NUP107: variants seen among roughly 807,000 people sequenced by gnomAD.
NUP107 encodes the protein nucleoporin 107.
Under a neutral mutation model 141.0 loss-of-function variants are expected in NUP107, and 101 were observed. That is an observed-to-expected ratio of 0.72 (90% CI 0.61 to 0.84). The LOEUF (loss-of-function observed/expected upper bound fraction) is 0.84, where lower values mean the gene tolerates loss of function less well. NUP107 is among the 40% of genes least tolerant of loss of function. NUP107 has a pLI of 0.00. For missense variants in NUP107, 941 were observed against 1,102.7 expected (o/e 0.85, Z 2.08); for synonymous variants, 319 against 363.9 (o/e 0.88, Z 1.41).
chr12:68,698,838 T>C (rs1373660507), intron 6 of NUP107, among the ~76,000 whole-genome samples: 1 of 152,190 alleles, frequency 6.6e-6, no homozygotes, highest in Non-Finnish European at 1.5e-5. Context: ...GAAACCACTC[T>C]TTATGCTATA....
intron 6 of NUP107, among the ~76,000 whole-genome samples, chr12:68,697,392 C>T (rs1001775235): frequency 3.7e-4 from 53 of 144,656 alleles, no homozygotes; most frequent in Non-Finnish European, 5.5e-4. Flanking sequence ...CCACTGCACT[C>T]CAGCCAGGGT....
At chr12:68,724,198 C>T (rs1393967980) in intron 17 of NUP107, among the ~76,000 whole-genome samples, 3 of 151,426 alleles carry the variant, frequency 2.0e-5, no homozygotes, top group Non-Finnish European at 4.4e-5. Context: ...GATTTAGTAC[C>T]CCCTCCCCAA....
At chr12:68,703,388 TACAC>T (rs1351997209) in intron 8 of NUP107, among the ~76,000 whole-genome samples, 2 of 152,152 alleles carry the variant, frequency 1.3e-5, no homozygotes, top group Admixed American at 1.3e-4. Flanking sequence ...CATACTTGTA[TACAC>T]ACACACATTT....
intron 19 of NUP107, 70 bp downstream of exon 19, chr12:68,726,687 T>C: frequency 1.1e-6 from 1 of 937,756 alleles, no homozygotes; most frequent in Non-Finnish European, 1.7e-6. Flanking sequence ...AAGAAAACAC[T>C]ACTTTTTTTA....
At chr12:68,721,371 T>C (rs1180092260) in intron 15 of NUP107, among the ~76,000 whole-genome samples, 194 bp downstream of exon 15, 1 of 152,208 alleles carries the variant, frequency 6.6e-6, no homozygotes, top group Non-Finnish European at 1.5e-5. Flanking sequence ...TCCCATAACA[T>C]GCATGGTATT....
chr12:68,716,247 T>TTC (rs1877107616), intron 12 of NUP107, among the ~76,000 whole-genome samples: 3 of 146,924 alleles, frequency 2.0e-5, no homozygotes, highest in Non-Finnish European at 3.0e-5. Flanking sequence ...CTTTCTTTCT[T>TTC]TTTTTTTTTG....
chr12:68,728,469 G>C (rs921312367), intron 20 of NUP107, among the ~76,000 whole-genome samples: 1 of 149,080 alleles, frequency 6.7e-6, no homozygotes, highest in African/African-American at 2.5e-5. Flanking sequence ...TGTCACCCGG[G>C]CTGGAGTGCA....
chr12:68,700,648 ACT>A, intron 6 of NUP107, 76 bp from the exon 7 acceptor site: 2 of 925,350 alleles, frequency 2.2e-6, no homozygotes, highest in Non-Finnish European at 1.5e-6. Flanking sequence ...TTATTTTAGC[ACT>A]CTATTCAAAT....
At position 68,702,618 on chromosome 12, in the gene NUP107, A is replaced by G. The variant is rs139991082; in HGVS notation, c.681-118A>G. ...CAGATATACATATTTGAAAAAATAA[A>G]TAATAAAAAATTTTTAAAAAGAAGT... On this transcript the variant is annotated intron_variant, in intron 7 of 27. Coordinates refer to ENST00000229179, the MANE Select transcript of NUP107 (RefSeq NM_020401.4). 11,161 of 658,746 alleles carry G rather than the reference A, an allele frequency of 0.017. 140 individuals carry two copies. Among genetic ancestry groups the G allele is most frequent in the Non-Finnish European group, 0.024 (9,303 of 384,608 alleles). 40.8% of individuals were successfully genotyped at this position (658,746 alleles called of 1,614,324 possible). A position where few individuals can be genotyped will look rare whatever the true frequency, so the allele number is the denominator to read the frequency against.
intron 11 of NUP107, among the ~76,000 whole-genome samples, chr12:68,714,661 A>G (rs887626413): frequency 6.6e-6 from 1 of 152,220 alleles, no homozygotes; most frequent in African/African-American, 2.4e-5. Flanking sequence ...ATTGTTTTCC[A>G]TTGGAAATCC....
intron 22 of NUP107, among the ~76,000 whole-genome samples, chr12:68,732,290 A>G (rs997919025): frequency 2.6e-5 from 4 of 152,098 alleles, no homozygotes; most frequent in African/African-American, 9.7e-5. Flanking sequence ...ATGTGCCACC[A>G]TGCCTGGCTA....
At position 68,731,234 on chromosome 12, in the gene NUP107, A is replaced by C. The variant is rs138366858; in HGVS notation, c.1859A>C (p.His620Pro). ...ESVTEFEQRH[H>P]CLELAKEADL... ...GTTACAGAATTTGAACAGCGCCACC[A>C]TTGCCTGGAGTTGGCTAAAGAAGCA... Residue 620 changes from histidine (H) to proline (P), a missense_variant, in exon 21 of 28, where the codon CAT becomes CCT. Physicochemically the swap from His to Pro is moderately conservative, Grantham distance 77. Transcript: ENST00000229179. The C allele has an allele frequency of 3.7e-6, 6 of 1,605,964 alleles. No homozygotes were observed. Among genetic ancestry groups the C allele is most frequent in the Non-Finnish European group, 5.1e-6 (6 of 1,177,040 alleles).
At chr12:68,734,855 G>A (rs1048228884) in intron 25 of NUP107, 22 bp downstream of exon 25, 1 of 1,605,464 alleles carries the variant, frequency 6.2e-7, no homozygotes, top group Non-Finnish European at 8.5e-7. Context: ...ATGGATCTAG[G>A]ATGTGCCTAC....
At chr12:68,709,104 T>C (rs1876726456) in intron 8 of NUP107, 134 bp from the exon 9 acceptor site, 2 of 588,788 alleles carry the variant, frequency 3.4e-6, no homozygotes, top group South Asian at 2.2e-5. Flanking sequence ...AGATTTACTA[T>C]GTGGTAAAAT....
intron 20 of NUP107, among the ~76,000 whole-genome samples, chr12:68,728,950 A>G (rs1877693177): frequency 6.6e-6 from 1 of 152,060 alleles, no homozygotes; most frequent in African/African-American, 2.4e-5. Flanking sequence ...TTTTTCTTGT[A>G]ATCTCATGAC....
chr12:68,692,969 C>T (rs994271934), intron 5 of NUP107, among the ~76,000 whole-genome samples: 5 of 152,012 alleles, frequency 3.3e-5, no homozygotes, highest in African/African-American at 7.2e-5. Context: ...AGGCTTGTCT[C>T]AAACTCCTGA....
intron 21 of NUP107, 107 bp downstream of exon 21, chr12:68,731,367 A>G (rs1877819920): frequency 1.8e-6 from 2 of 1,133,876 alleles, no homozygotes; most frequent in Non-Finnish European, 2.4e-6. Context: ...TGTTGAGGGG[A>G]AAAGAGGAAT....
At chr12:68,713,337 T>C (rs867326406) in intron 10 of NUP107, among the ~76,000 whole-genome samples, 4 of 145,588 alleles carry the variant, frequency 2.7e-5, no homozygotes, top group African/African-American at 1.0e-4. Flanking sequence ...ATTGTGCCAC[T>C]GCACTTTAGC....
rs1351536825 is a variant in NUP107 at position 68,721,006 on chromosome 12, A to G, written c.1252-112A>G. 1.5e-5 allele frequency: 9 copies of G among 589,440 alleles called. No individual in the cohort carries two copies. In the East Asian group the frequency reaches 2.7e-4, roughly 17 times the overall value. The allele number at this position is 589,440 out of a possible 1,614,324, so 36.5% of individuals were successfully genotyped here. A position where few individuals can be genotyped will look rare whatever the true frequency, so the allele number is the denominator to read the frequency against. ...GATCTTTCACTAAAGTTTAAAAACT[A>G]TCAAGTGAATAGGTTCAGTCTAGAA... is the stretch of plus-strand genomic sequence containing the variant. On this transcript the variant is annotated intron_variant, in intron 14 of 27. Coordinates refer to ENST00000229179, the MANE Select transcript of NUP107 (RefSeq NM_020401.4).
Sources: allele counts gnomAD v4.1 joint callset (sites outside exome capture counted in the v4.1 genomes callset), GRCh38; gene constraint gnomAD v4.1.1; transcripts MANE v1.5; gene names NCBI Gene and HGNC (gene_info 2026-07-23, HGNC 2026-07-21).